The following RGP1 variants were observed in gnomAD, a reference collection of about 807,000 sequenced individuals.
The protein encoded by RGP1 is RAB6A-GEF complex partner protein 2.
In RGP1, 28 loss-of-function variants were observed where a neutral mutation model predicts 44.5. The observed-to-expected ratio is 0.63, with a 90% confidence interval of 0.47 to 0.86. The LOEUF is 0.86. Among genes scored for constraint, RGP1 ranks in the 40% least tolerant of loss-of-function variants. The pLI, the probability that RGP1 is intolerant of heterozygous loss-of-function variation, is 0.00. For missense variants in RGP1, 417 were observed against 490.7 expected, an observed-to-expected ratio of 0.85 and a Z score of 1.42; for synonymous variants, 212 against 196.7, an observed-to-expected ratio of 1.08 and a Z score of -0.65.
chr9:35,773,393 A>T, the RGP1 span, among the ~76,000 whole-genome samples: 135 of 151,778 alleles, frequency 8.9e-4, no homozygotes, highest in African/African-American at 3.2e-3. Flanking sequence ...TGTCTTAAGT[A>T]AAAAGAAAGA....
chr9:35,751,015 G>A (rs765699202), intron 5 of RGP1, 26 bp downstream of exon 5: 4 of 1,611,428 alleles, frequency 2.5e-6, no homozygotes, highest in South Asian at 1.1e-5. Flanking sequence ...TGGAGGGAAG[G>A]GCTGGGGAAG....
chr9:35,749,822 G>A lies in RGP1; in HGVS notation c.67G>A (p.Val23Ile). ...VFLAGEALEC[V>I]VTVTNPLPPT... ...TTTGGCTGGGGAGGCGCTGGAGTGT[G>A]TAGTGACCGTCACCAACCCCCTTCC... Residue 23 changes from valine (V) to isoleucine (I), a missense_variant, in exon 2 of 9, where the codon GTA becomes ATA. By Grantham distance (29) the Val-to-Ile change is conservative. Coordinates refer to ENST00000378078, the MANE Select transcript of RGP1 (RefSeq NM_001080496.3). This position sits in a 1 kb window ranked among gnomAD's most constrained non-coding sequence, Gnocchi z 4.4. 1.9e-6 allele frequency: 3 copies of A among 1,613,918 alleles called. No individual in the cohort carries two copies. The East Asian group carries it at 6.7e-5, about 36-fold the overall frequency.
Position 35,749,472 on chromosome 9 carries a change from A to G in RGP1, c.-20+64A>G, listed in dbSNP as rs1827185327. On this transcript the variant is annotated intron_variant, in intron 1 of 8. Coordinates refer to ENST00000378078, the MANE Select transcript of RGP1 (RefSeq NM_001080496.3). The surrounding 1 kb of genome is among the most constrained non-coding windows in gnomAD (Gnocchi z 4.4). ...TTTGAGGAAAGGGGGAGCGGAGGCC[A>G]GTTTGGGAACTCCGCGGGGGTGCCC... is the stretch of plus-strand genomic sequence containing the variant. 1.6e-6 allele frequency: 1 copy of G among 634,512 alleles called. No homozygotes were observed. The highest frequency in any genetic ancestry group is 3.1e-6 in the Non-Finnish European group (1 of 327,572). The allele number at this position is 634,512 out of a possible 1,614,324, so 39.3% of individuals were successfully genotyped here.
chr9:35,771,887 AAC>A, the RGP1 span, among the ~76,000 whole-genome samples: 16 of 152,358 alleles, frequency 1.1e-4, no homozygotes, highest in Non-Finnish European at 2.1e-4. Context: ...AACAAGGTAT[AAC>A]ACCATAAACC....
the RGP1 span, chr9:35,790,130 CTTTT>C: frequency 1.5e-4 from 21 of 144,128 alleles, no homozygotes; most frequent in East Asian, 4.0e-4. Context: ...TTGACTGTTC[CTTTT>C]TTTTTTTTTT....
the RGP1 span, among the ~76,000 whole-genome samples, chr9:35,770,497 GA>G: frequency 3.7e-5 from 1 of 26,876 alleles, no homozygotes; most frequent in Non-Finnish European, 8.5e-5. Context: ...ACCATGGAGA[GA>G]GAGAGAGAGA....
chr9:35,771,151 G>A, the RGP1 span, among the ~76,000 whole-genome samples: 1 of 152,018 alleles, frequency 6.6e-6, no homozygotes, highest in Admixed American at 6.6e-5. Context: ...GGTTTAGTTT[G>A]GCTAGCACTC....
chr9:35,759,917 CT>C (rs34848500), downstream of RGP1, among the ~76,000 whole-genome samples: 49,265 of 132,770 alleles, frequency 0.37, 8,693 homozygotes, highest in Middle Eastern at 0.46. Flanking sequence ...TTCATTTTTC[CT>C]TTTTTTTTTT....
At position 35,750,232 on chromosome 9, in the gene RGP1, T is replaced by C. The variant is rs987689070; in HGVS notation, c.117-11T>C. 3.1e-6 allele frequency: 5 copies of C among 1,611,280 alleles called. No homozygotes were observed. Among genetic ancestry groups the C allele is most frequent in the African/African-American group, 1.3e-5 (1 of 74,846 alleles). ...AACTACCTCTGATGCCTCCTTTTCC[T>C]TTTCCCACAGTGAGGCCCTGGCCTG... On this transcript the variant is annotated splice_polypyrimidine_tract_variant and intron_variant, in intron 2 of 8. Coordinates refer to ENST00000378078, the MANE Select transcript of RGP1 (RefSeq NM_001080496.3).
At chr9:35,770,740 A>T in the RGP1 span, among the ~76,000 whole-genome samples, 1 of 152,122 alleles carries the variant, frequency 6.6e-6, no homozygotes, top group Non-Finnish European at 1.5e-5. Context: ...GCACTCCTGG[A>T]GATGCTTAGG....
the RGP1 span, among the ~76,000 whole-genome samples, chr9:35,783,789 T>C: frequency 6.6e-6 from 1 of 152,228 alleles, no homozygotes; most frequent in Non-Finnish European, 1.5e-5. Flanking sequence ...CTGATTTCAT[T>C]TCCTTTGCAT....
At chr9:35,769,727 G>A in the RGP1 span, among the ~76,000 whole-genome samples, 105 of 152,260 alleles carry the variant, frequency 6.9e-4, 2 homozygotes, top group Middle Eastern at 6.8e-3. Flanking sequence ...GAGTGTAGAG[G>A]ATGAGGAAGA....
the RGP1 span, among the ~76,000 whole-genome samples, chr9:35,770,534 A>AT: frequency 8.2e-6 from 1 of 122,458 alleles, no homozygotes; most frequent in Non-Finnish European, 1.8e-5. Flanking sequence ...AGAGAGAGAG[A>AT]GAGAGTTGAG....
intron 7 of RGP1, 24 bp downstream of exon 7, chr9:35,751,778 A>T (rs760928731): frequency 3.4e-5 from 55 of 1,613,474 alleles, no homozygotes; most frequent in Non-Finnish European, 4.6e-5. Context: ...AGAGCTTCTT[A>T]CCTGCTGGGG....
At chr9:35,762,547 A>G (rs1157898696), downstream of RGP1, among the ~76,000 whole-genome samples, 2 of 152,192 alleles carry the variant, frequency 1.3e-5, no homozygotes, top group Admixed American at 1.3e-4. Flanking sequence ...TTTCTGTCAT[A>G]TGATTCTGTG....
At chr9:35,778,563 C>T in the RGP1 span, among the ~76,000 whole-genome samples, 1 of 152,080 alleles carries the variant, frequency 6.6e-6, no homozygotes, top group Non-Finnish European at 1.5e-5. Flanking sequence ...AGTCAGAATA[C>T]TTTGGAATAT....
the RGP1 span, among the ~76,000 whole-genome samples, chr9:35,782,460 T>G: frequency 6.6e-6 from 1 of 152,148 alleles, no homozygotes; most frequent in Non-Finnish European, 1.5e-5. Flanking sequence ...TTGTTTTTGT[T>G]TTTTGAGACG....
the RGP1 span, among the ~76,000 whole-genome samples, chr9:35,775,900 T>G: frequency 5.3e-5 from 8 of 152,352 alleles, 1 homozygote; most frequent in African/African-American, 1.4e-4. Context: ...TATATAATGC[T>G]TTACAATATA....
chr9:35,770,933 G>T, the RGP1 span, among the ~76,000 whole-genome samples: 1 of 152,208 alleles, frequency 6.6e-6, no homozygotes, highest in Admixed American at 6.5e-5. Flanking sequence ...ACTCACACAG[G>T]CGTATTATAT....
Sources: gnomAD v4.1 joint callset for allele counts (sites outside exome capture counted in the v4.1 genomes callset) on GRCh38, gnomAD v4.1.1 for gene constraint, Gnocchi (gnomAD v3.1) non-coding constraint, MANE v1.5 for transcripts, NCBI Gene and HGNC (gene_info 2026-07-23, HGNC 2026-07-21) for gene names.